NRG1: variants seen among roughly 807,000 people sequenced by gnomAD.
NRG1 encodes pro-neuregulin-1, membrane-bound isoform.
A neutral mutation model predicts 63.8 loss-of-function variants in NRG1; 18 were observed. The ratio of observed to expected loss-of-function variants is 0.28; its 90% confidence interval spans 0.19 to 0.42. NRG1 has a LOEUF of 0.42. NRG1 is among the 10% of genes least tolerant of loss of function. The pLI, the probability that NRG1 is intolerant of heterozygous loss-of-function variation, is 1.00. For synonymous variants in NRG1, 302 were observed against 301.3 expected (o/e 1.00, Z -0.02); for missense variants, 762 against 814.7 (o/e 0.94, Z 0.79).
rs574483134 is a variant in NRG1 at position 32,025,660 on chromosome 8, A to G, written c.37+386229A>G. On this transcript the variant is annotated intron_variant, in intron 1 of 10. Coordinates refer to the NRG1 transcript ENST00000519301. ...TATCAAGCTCAATTGACTCCCTCTC[A>G]TAAAAGTGGAGGCACAGTGGCTCAC... Among the ~76,000 whole-genome samples, 4 of 152,014 alleles carry G rather than the reference A, an allele frequency of 2.6e-5. No individual in the cohort carries two copies. The South Asian group carries it at 8.3e-4, about 32-fold the overall frequency.
intron 1 of NRG1, among the ~76,000 whole-genome samples, chr8:31,900,747 C>A (rs1832009465): frequency 6.6e-6 from 1 of 152,170 alleles, no homozygotes; most frequent in Non-Finnish European, 1.5e-5. Flanking sequence ...CCGTCTCAAG[C>A]AAGCTGACCT....
intron 1 of NRG1, among the ~76,000 whole-genome samples, chr8:32,560,917 C>T (rs776263211): frequency 2.0e-5 from 3 of 152,246 alleles, no homozygotes; most frequent in Non-Finnish European, 2.9e-5. Flanking sequence ...AATAAACGAC[C>T]GCTGTTCCTG....
intron 1 of NRG1, among the ~76,000 whole-genome samples, chr8:31,776,997 C>T (rs2131596190): frequency 6.6e-6 from 1 of 152,254 alleles, no homozygotes; most frequent in East Asian, 1.9e-4. Context: ...GGCAATTCCT[C>T]AGGGATCTAG....
At chr8:32,557,040 C>T (rs936272700) in intron 1 of NRG1, among the ~76,000 whole-genome samples, 1 of 152,054 alleles carries the variant, frequency 6.6e-6, no homozygotes, top group African/African-American at 2.4e-5. Context: ...AAGTCTTGCT[C>T]TGTCACCCAG....
intron 1 of NRG1, among the ~76,000 whole-genome samples, chr8:31,723,457 C>T (rs564098005): frequency 3.6e-4 from 55 of 152,108 alleles, no homozygotes; most frequent in African/African-American, 1.3e-3. Context: ...TTTCTCTTTT[C>T]CTTCTTTTCG....
chr8:32,727,045 A>AT (rs1307362504), intron 5 of NRG1, among the ~76,000 whole-genome samples: 4 of 152,084 alleles, frequency 2.6e-5, no homozygotes, highest in African/African-American at 4.8e-5. Flanking sequence ...GGGACTGAGT[A>AT]TTGCCCATGG....
intron 6 of NRG1, among the ~76,000 whole-genome samples, chr8:32,730,745 G>A (rs1823441589): frequency 1.3e-5 from 2 of 152,158 alleles, no homozygotes; most frequent in Middle Eastern, 6.8e-3. Flanking sequence ...GGTTTTCTCT[G>A]ATCAAAATAG....
intron 5 of NRG1, among the ~76,000 whole-genome samples, chr8:32,716,520 G>C (rs1177665425): frequency 2.0e-5 from 3 of 152,156 alleles, no homozygotes; most frequent in Non-Finnish European, 4.4e-5. Context: ...ACAGCTCCAG[G>C]AGATGGAAGT....
intron 1 of NRG1, among the ~76,000 whole-genome samples, chr8:31,679,920 T>C (rs1212404524): frequency 6.6e-6 from 1 of 151,992 alleles, no homozygotes; most frequent in Non-Finnish European, 1.5e-5. Flanking sequence ...TTGCTACAAA[T>C]ATTTGGAAAA....
chr8:32,292,512 A>T (rs1854322243), intron 1 of NRG1, among the ~76,000 whole-genome samples: 1 of 152,164 alleles, frequency 6.6e-6, no homozygotes. Context: ...TTTGCATGGC[A>T]ATTCTCCTCC....
intron 1 of NRG1, among the ~76,000 whole-genome samples, chr8:31,811,684 T>C (rs990937373): frequency 3.3e-5 from 5 of 152,176 alleles, no homozygotes; most frequent in African/African-American, 1.2e-4. Flanking sequence ...TTAGAAAATA[T>C]ATAAAAAATG....
At chr8:32,446,529 C>A (rs1046829374) in intron 1 of NRG1, among the ~76,000 whole-genome samples, 1 of 152,044 alleles carries the variant, frequency 6.6e-6, no homozygotes, top group Non-Finnish European at 1.5e-5. Context: ...GTGGTACATG[C>A]CTGTAATCCC....
chr8:31,996,488 T>C (rs7001934), intron 1 of NRG1, among the ~76,000 whole-genome samples: 81,259 of 151,766 alleles, frequency 0.54, 25,931 homozygotes, highest in Non-Finnish European at 0.71. Flanking sequence ...TCCCAACACT[T>C]TGGGAGGCTG....
At chr8:31,959,176 T>G (rs1804989405) in intron 1 of NRG1, among the ~76,000 whole-genome samples, 1 of 152,234 alleles carries the variant, frequency 6.6e-6, no homozygotes, top group Non-Finnish European at 1.5e-5. Flanking sequence ...CAATTTCTCG[T>G]TTGTATTTTC....
At position 32,079,148 on chromosome 8, in the gene NRG1, T is replaced by TACACACACAC. The variant is rs143380574; in HGVS notation, c.37+439741_37+439750dup. Among the ~76,000 whole-genome samples the TACACACACAC allele has an allele frequency of 2.8e-3, 411 of 145,852 alleles. 2 individuals are homozygous for TACACACACAC. The highest frequency in any genetic ancestry group is 4.3e-3 in the Non-Finnish European group (286 of 66,376). On this transcript the variant is annotated intron_variant, in intron 1 of 10. Transcript: ENST00000519301. ...GAATGTTTATGCATGTAGAATGAAATACACACACACACACACACACACACA... is the reference window on the plus strand; with the variant it reads ...GAATGTTTATGCATGTAGAATGAAATACACACACACACACACACACACACACACACACACA...
intron 1 of NRG1, among the ~76,000 whole-genome samples, chr8:31,936,775 G>C (rs1191675316): frequency 6.6e-6 from 1 of 152,072 alleles, no homozygotes; most frequent in Admixed American, 6.5e-5. Flanking sequence ...ATCCCTTCAG[G>C]CTGTTGGATA....
At chr8:32,663,078 C>T (rs1803275667) in intron 5 of NRG1, among the ~76,000 whole-genome samples, 1 of 152,150 alleles carries the variant, frequency 6.6e-6, no homozygotes, top group Admixed American at 6.5e-5. Context: ...GGAATGAAGT[C>T]CCAGGGGGAT....
At chr8:32,346,238 G>A (rs984495967) in intron 1 of NRG1, among the ~76,000 whole-genome samples, 1 of 147,514 alleles carries the variant, frequency 6.8e-6, no homozygotes, top group African/African-American at 2.5e-5. Flanking sequence ...ATTATATATA[G>A]ATGAAAATAT....
At chr8:32,302,452 C>T (rs1190558916) in intron 1 of NRG1, among the ~76,000 whole-genome samples, 1 of 152,218 alleles carries the variant, frequency 6.6e-6, no homozygotes, top group Admixed American at 6.5e-5. Flanking sequence ...ACAGGTTAAG[C>T]TGTTCTGCCC....
Sources: gnomAD v4.1 joint callset for allele counts (sites outside exome capture counted in the v4.1 genomes callset) on GRCh38, gnomAD v4.1.1 for gene constraint, MANE v1.5 for transcripts, NCBI Gene and HGNC (gene_info 2026-07-23, HGNC 2026-07-21) for gene names.